The following TANC2 variants were observed in gnomAD, a reference collection of about 807,000 sequenced individuals.
TANC2 encodes the protein protein TANC2.
Under a neutral mutation model 210.5 loss-of-function variants are expected in TANC2, and 26 were observed. That is an observed-to-expected ratio of 0.12 (90% CI 0.09 to 0.17). The LOEUF is 0.17. Among genes scored for constraint, TANC2 ranks in the 10% least tolerant of loss-of-function variants. The pLI is 1.00. For synonymous variants in TANC2, 931 were observed against 967.1 expected, an observed-to-expected ratio of 0.96 and a Z score of 0.69; for missense variants, 2,129 against 2,608.9, an observed-to-expected ratio of 0.82 and a Z score of 4.01.
At chr17:63,330,400 G>A (rs1194947118) in intron 11 of TANC2, among the ~76,000 whole-genome samples, 2 of 151,510 alleles carry the variant, frequency 1.3e-5, no homozygotes, top group Admixed American at 6.6e-5. Flanking sequence ...TTTTTTCATT[G>A]TTTTACTTTA....
At chr17:63,380,060 C>T (rs1053030790) in intron 15 of TANC2, among the ~76,000 whole-genome samples, 1 of 152,164 alleles carries the variant, frequency 6.6e-6, no homozygotes, top group African/African-American at 2.4e-5. Flanking sequence ...TAATCATTGA[C>T]AAGGTGCATA....
Position 62,966,960 on chromosome 17 carries a change from T to G in TANC2, c.-24+211T>G, listed in dbSNP as rs1568281736. The G allele has an allele frequency of 1.3e-5, 2 of 152,164 alleles. No homozygotes were observed. Among genetic ancestry groups the G allele is most frequent in the Non-Finnish European group, 2.9e-5 (2 of 68,034 alleles). 9.4% of individuals were successfully genotyped at this position (152,164 alleles called of 1,614,324 possible). On this transcript the variant is annotated intron_variant, in intron 1 of 27. Transcript: ENST00000689528. This position sits in a 1 kb window ranked among gnomAD's most constrained non-coding sequence, Gnocchi z 5.1. ...GAGGCGTGTGGGGTCGCCACTTGGC[T>G]GTCACCGAAGATGTCATGGAATTTG... is the stretch of plus-strand genomic sequence containing the variant.
chr17:63,204,174 G>A (rs1417546956), intron 7 of TANC2, among the ~76,000 whole-genome samples: 3 of 151,494 alleles, frequency 2.0e-5, no homozygotes, highest in Admixed American at 1.3e-4. Context: ...ACCAAAACAA[G>A]TTGTATTTGT....
chr17:63,301,695 GTCTA>G (rs375940462), intron 9 of TANC2, among the ~76,000 whole-genome samples: 9 of 152,020 alleles, frequency 5.9e-5, no homozygotes, highest in South Asian at 2.1e-4. Context: ...CTTGCTAGCA[GTCTA>G]TCTATTTTGT....
intron 4 of TANC2, among the ~76,000 whole-genome samples, chr17:63,116,339 C>G (rs903282379): frequency 6.6e-6 from 1 of 152,226 alleles, no homozygotes; most frequent in African/African-American, 2.4e-5. Flanking sequence ...TTGGTGCTTT[C>G]ACTGGCTCCC....
chr17:63,124,874 C>T (rs113084247), intron 4 of TANC2, among the ~76,000 whole-genome samples: 7,111 of 152,210 alleles, frequency 0.047, 531 homozygotes, highest in African/African-American at 0.15. Context: ...GAGACTCTAA[C>T]GCCTGATGAT....
chr17:63,402,936 T>G (rs1278855484), intron 19 of TANC2, among the ~76,000 whole-genome samples: 2 of 152,260 alleles, frequency 1.3e-5, no homozygotes, highest in Non-Finnish European at 2.9e-5. Context: ...TACATAGTTG[T>G]GTTGTTCTGA....
chr17:62,987,003 G>T (rs186951283), intron 1 of TANC2, among the ~76,000 whole-genome samples: 2 of 152,232 alleles, frequency 1.3e-5, no homozygotes, highest in East Asian at 1.9e-4. Flanking sequence ...ATGGTGCACT[G>T]CCGGGCTGTT....
intron 14 of TANC2, among the ~76,000 whole-genome samples, chr17:63,358,159 G>A (rs866613976): frequency 5.9e-5 from 9 of 152,302 alleles, no homozygotes; most frequent in Middle Eastern, 3.4e-3. Flanking sequence ...GAATGGTGCT[G>A]GAAGCAGGAA....
At chr17:63,411,617 C>T in exon 22 of TANC2, 2 of 1,614,006 alleles carry the variant, frequency 1.2e-6, no homozygotes, top group Non-Finnish European at 1.7e-6. Flanking sequence ...ACGGAGCTGC[C>T]ACAGACCATG....
intron 7 of TANC2, among the ~76,000 whole-genome samples, chr17:63,227,781 A>G (rs111915566): frequency 0.025 from 3,756 of 152,186 alleles, 156 homozygotes; most frequent in African/African-American, 0.085. Flanking sequence ...TAATTTTTGT[A>G]TAAGGTATAA....
intron 2 of TANC2, among the ~76,000 whole-genome samples, chr17:63,040,374 A>C (rs2035138876): frequency 6.6e-6 from 1 of 152,190 alleles, no homozygotes; most frequent in Non-Finnish European, 1.5e-5. Flanking sequence ...ACAATTGAGC[A>C]TCAAGCATAG....
intron 4 of TANC2, among the ~76,000 whole-genome samples, chr17:63,144,843 A>G (rs1410839944): frequency 6.6e-6 from 1 of 152,070 alleles, no homozygotes; most frequent in African/African-American, 2.4e-5. Context: ...TTATCATATC[A>G]AATTTTCATT....
intron 3 of TANC2, chr17:63,089,347 CCTACTGTTA>C (rs1441932185): frequency 1.3e-5 from 2 of 152,102 alleles, no homozygotes; most frequent in Admixed American, 6.6e-5. Context: ...AGAGAAAGTC[CCTACTGTTA>C]AGATACTTTC....
intron 9 of TANC2, among the ~76,000 whole-genome samples, chr17:63,296,618 A>T (rs2044545001): frequency 6.6e-6 from 1 of 152,222 alleles, no homozygotes; most frequent in Non-Finnish European, 1.5e-5. Context: ...CAAAGACTTT[A>T]AATCAGCTGT....
At position 63,216,686 on chromosome 17, in the gene TANC2, G is replaced by A. The variant is rs73323769; in HGVS notation, c.769+15729G>A. On this transcript the variant is annotated intron_variant, in intron 7 of 27. Coordinates refer to ENST00000689528, the Ensembl canonical transcript of TANC2. Reference sequence around the variant, plus strand: ...GGCACCAGTTGGTGTCCAGATAATTGGCAAATTGATTGTTGGGTGGCAGCA... The same window carrying A: ...GGCACCAGTTGGTGTCCAGATAATTAGCAAATTGATTGTTGGGTGGCAGCA... Among the ~76,000 whole-genome samples the A allele has an allele frequency of 9.0e-4, 137 of 152,266 alleles. 1 individual carries two copies. The highest frequency in any genetic ancestry group is 3.2e-3 in the African/African-American group (134 of 41,544).
intron 11 of TANC2, among the ~76,000 whole-genome samples, chr17:63,325,303 C>A (rs1241698220): frequency 6.6e-6 from 1 of 152,210 alleles, no homozygotes; most frequent in Non-Finnish European, 1.5e-5. Context: ...GCTAGCCACA[C>A]TAAAATTGAT....
intron 2 of TANC2, among the ~76,000 whole-genome samples, chr17:63,042,442 T>C (rs927416598): frequency 6.6e-6 from 1 of 152,130 alleles, no homozygotes; most frequent in African/African-American, 2.4e-5. Context: ...TGGCTGCAAG[T>C]GTTACAAGCT....
chr17:63,192,359 G>A (rs1434606964), intron 5 of TANC2, among the ~76,000 whole-genome samples: 11 of 152,176 alleles, frequency 7.2e-5, no homozygotes, highest in Admixed American at 7.2e-4. Flanking sequence ...TTAGTACTTG[G>A]AAGTACTGAA....
Sources: gnomAD v4.1 joint callset for allele counts (sites outside exome capture counted in the v4.1 genomes callset) on GRCh38, gnomAD v4.1.1 for gene constraint, Gnocchi (gnomAD v3.1) non-coding constraint, MANE v1.5 for transcripts, NCBI Gene and HGNC (gene_info 2026-07-23, HGNC 2026-07-21) for gene names.